Variants in PHF14 observed in about 807,000 individuals in gnomAD.
PHF14 encodes PHD finger protein 14.
PHF14 carries 55 observed loss-of-function variants against 117.9 expected under a neutral mutation model. That is an observed-to-expected ratio of 0.47 (90% CI 0.38 to 0.58). The LOEUF is 0.58. Among genes scored for constraint, PHF14 ranks in the 20% least tolerant of loss-of-function variants. The pLI is 0.00. For synonymous variants in PHF14, 409 were observed against 368.6 expected (o/e 1.11, Z -1.26); for missense variants, 978 against 1,122.2 (o/e 0.87, Z 1.84).
At chr7:11,116,471 T>A (rs56231729) in intron 17 of PHF14, among the ~76,000 whole-genome samples, 1 of 152,004 alleles carries the variant, frequency 6.6e-6, no homozygotes, top group African/African-American at 2.4e-5. Context: ...TTCATAGACA[T>A]TGAAAACTAA....
intron 16 of PHF14, among the ~76,000 whole-genome samples, chr7:11,068,460 C>T (rs1453712312): frequency 6.6e-6 from 1 of 151,450 alleles, no homozygotes; most frequent in Non-Finnish European, 1.5e-5. Context: ...ATGTATGATT[C>T]CACTTACATG....
At chr7:11,042,566 G>A in intron 12 of PHF14, 117 bp from the exon 13 acceptor site, 2 of 636,722 alleles carry the variant, frequency 3.1e-6, no homozygotes, top group Non-Finnish European at 5.2e-6. Flanking sequence ...TATCTCAACA[G>A]AAGAAATAGT....
intron 17 of PHF14, among the ~76,000 whole-genome samples, chr7:11,154,826 C>T (rs891142799): frequency 1.3e-5 from 2 of 151,844 alleles, no homozygotes. Flanking sequence ...AATCATTCAC[C>T]CACTTTATTT....
chr7:11,115,947 A>C (rs1309744134), intron 17 of PHF14, among the ~76,000 whole-genome samples: 1 of 152,000 alleles, frequency 6.6e-6, no homozygotes, highest in East Asian at 1.9e-4. Flanking sequence ...ATTCTACACA[A>C]AATTTTGATT....
rs965831447 is a variant in PHF14 at position 11,129,232 on chromosome 7, C to T, written c.2772+17765C>T. Among the ~76,000 whole-genome samples the T allele has an allele frequency of 5.9e-5, 9 of 151,922 alleles. No individual in the cohort carries two copies. The South Asian group carries it at 1.5e-3, about 25-fold the overall frequency. On this transcript the variant is annotated intron_variant, in intron 17 of 17. Coordinates refer to ENST00000634607, the MANE Select transcript of PHF14 (RefSeq NM_001007157.2). ...GGTTCTAGTTTTTGCCTTAGAGGCC[C>T]AAGGCTGTTTATTGAAACAACAAAT...
chr7:11,120,436 T>C (rs1306133598), intron 17 of PHF14, among the ~76,000 whole-genome samples: 1 of 152,050 alleles, frequency 6.6e-6, no homozygotes, highest in Non-Finnish European at 1.5e-5. Flanking sequence ...AGTAATTTTC[T>C]GTTTCATTTT....
intron 17 of PHF14, among the ~76,000 whole-genome samples, chr7:11,153,084 T>C (rs1057505745): frequency 1.3e-5 from 2 of 152,090 alleles, no homozygotes; most frequent in African/African-American, 4.8e-5. Context: ...TGGATTGTGA[T>C]GTGATGTGTG....
At chr7:10,974,461 G>A in intron 1 of PHF14, 137 bp downstream of exon 1, 2 of 771,432 alleles carry the variant, frequency 2.6e-6, no homozygotes, top group Non-Finnish European at 4.5e-6. Context: ...CATGGTCCGC[G>A]GGAATGAAGC....
intron 5 of PHF14, among the ~76,000 whole-genome samples, chr7:11,019,581 A>T (rs1180726548): frequency 1.3e-5 from 2 of 152,248 alleles, no homozygotes; most frequent in Middle Eastern, 3.4e-3. Flanking sequence ...AATATCAGTT[A>T]TAATGTCTCC....
chr7:10,990,852 T>TTAC lies in PHF14; in HGVS notation c.1045+5_1045+6insTAC, dbSNP rs770344409. 3 of 1,569,450 alleles carry TTAC rather than the reference T, an allele frequency of 1.9e-6. No individual in the cohort carries two copies. The highest frequency in any genetic ancestry group is 2.6e-6 in the Non-Finnish European group (3 of 1,155,410). On this transcript the variant is annotated splice_donor_region_variant and intron_variant, in intron 4 of 17. Transcript: ENST00000634607. Reference sequence around the variant, plus strand: ...GTGGCATTACAGTCCATGAAGGTAATGTTGCTTTCTTTTCTCTCTTTTTAG... The same window carrying TTAC: ...GTGGCATTACAGTCCATGAAGGTAATTACGTTGCTTTCTTTTCTCTCTTTTTAG...
At chr7:10,974,780 C>T (rs1198881682) in intron 1 of PHF14, 55 bp from the exon 2 acceptor site, 2 of 888,902 alleles carry the variant, frequency 2.2e-6, no homozygotes, top group Non-Finnish European at 3.6e-6. Flanking sequence ...CACCACAACT[C>T]TCCCCTGTGT....
chr7:11,094,699 A>T (rs969350951), intron 16 of PHF14, among the ~76,000 whole-genome samples: 2 of 152,152 alleles, frequency 1.3e-5, no homozygotes, highest in African/African-American at 2.4e-5. Flanking sequence ...CTGTACTCTG[A>T]TATTAGCCAA....
chr7:11,151,413 G>C (rs1203904069), intron 17 of PHF14, among the ~76,000 whole-genome samples: 1 of 152,040 alleles, frequency 6.6e-6, no homozygotes, highest in Non-Finnish European at 1.5e-5. Flanking sequence ...AAACAAATTA[G>C]CTGGTTGTGG....
chr7:11,136,879 A>T (rs1303572259), intron 17 of PHF14, among the ~76,000 whole-genome samples: 1 of 152,068 alleles, frequency 6.6e-6, no homozygotes, highest in Non-Finnish European at 1.5e-5. Context: ...TTAATTACTT[A>T]AAAAAAATTA....
intron 17 of PHF14, among the ~76,000 whole-genome samples, chr7:11,140,417 G>A (rs1388236429): frequency 1.3e-5 from 2 of 152,100 alleles, no homozygotes. Flanking sequence ...GGGCTGATAT[G>A]TAGGTCTATA....
At chr7:11,131,386 A>G (rs1788086547) in intron 17 of PHF14, among the ~76,000 whole-genome samples, 1 of 151,926 alleles carries the variant, frequency 6.6e-6, no homozygotes, top group Admixed American at 6.6e-5. Flanking sequence ...TTTCATTTGC[A>G]GTTTCATAAG....
chr7:11,098,916 A>G (rs1254605488), intron 16 of PHF14, among the ~76,000 whole-genome samples: 1 of 152,196 alleles, frequency 6.6e-6, no homozygotes, highest in East Asian at 1.9e-4. Context: ...ACTTAAAATG[A>G]TGCTTCATTG....
chr7:11,039,098 C>G (rs1784417854), intron 11 of PHF14, among the ~76,000 whole-genome samples: 1 of 152,060 alleles, frequency 6.6e-6, no homozygotes, highest in Non-Finnish European at 1.5e-5. Flanking sequence ...TTTTCATTTG[C>G]TCTAACTGAT....
At chr7:10,980,923 A>G (rs923636784) in intron 2 of PHF14, among the ~76,000 whole-genome samples, 2 of 152,150 alleles carry the variant, frequency 1.3e-5, no homozygotes, top group African/African-American at 2.4e-5. Flanking sequence ...TATCCTATGC[A>G]AGGTTGTTTA....
Sources: allele counts gnomAD v4.1 joint callset (sites outside exome capture counted in the v4.1 genomes callset), GRCh38; gene constraint gnomAD v4.1.1; transcripts MANE v1.5; gene names NCBI Gene and HGNC (gene_info 2026-07-23, HGNC 2026-07-21).